The following SLC35A3 variants were observed in gnomAD, a reference collection of about 807,000 sequenced individuals.
SLC35A3 encodes the protein UDP-N-acetylglucosamine transporter.
SLC35A3 carries 26 observed loss-of-function variants against 39.0 expected under a neutral mutation model. The ratio of observed to expected loss-of-function variants is 0.67; its 90% CI spans 0.49 to 0.92. The LOEUF (loss-of-function observed/expected upper bound fraction) is 0.92. SLC35A3 is among the 40% of genes least tolerant of loss of function. The probability of loss-of-function intolerance (pLI) is 0.00; values close to 1 mark genes in which losing one functional copy is unlikely to be tolerated. For synonymous variants in SLC35A3, 135 were observed against 133.1 expected, an observed-to-expected ratio of 1.01 and a Z score of -0.10; for missense variants, 299 against 371.6, an observed-to-expected ratio of 0.80 and a Z score of 1.61.
chr1:99,977,499 G>A (rs1346348351), intron 1 of SLC35A3, among the ~76,000 whole-genome samples: 1 of 147,264 alleles, frequency 6.8e-6, no homozygotes, highest in African/African-American at 2.5e-5. Context: ...CCAAGATCAC[G>A]CCATTGCACT....
At chr1:100,002,441 G>T (rs115535767) in intron 3 of SLC35A3, among the ~76,000 whole-genome samples, 53 of 152,164 alleles carry the variant, frequency 3.5e-4, no homozygotes, top group African/African-American at 1.3e-3. Context: ...GGTGTCATCT[G>T]TACTGTCTCC....
rs1307036965 is a variant in SLC35A3 at position 100,033,396 on chromosome 1, ATAAG to A, written c.*10924_*10927del. ...ATCCCTCCATTCCTAACCATCTCTT[ATAAG>A]TAATTATTATCCATCTCTTATAAGT... On this transcript the variant is annotated 3_prime_UTR_variant, in exon 8 of 8. Coordinates refer to ENST00000533028, the MANE Select transcript of SLC35A3 (RefSeq NM_012243.3). The A allele has an allele frequency of 6.8e-6, 1 of 148,052 alleles. No homozygotes were observed. The highest frequency in any genetic ancestry group is 2.5e-5 in the African/African-American group (1 of 40,380). The allele number at this position is 148,052 out of a possible 1,614,324, so 9.2% of individuals were successfully genotyped here. A position where few individuals can be genotyped will look rare whatever the true frequency, so the allele number is the denominator to read the frequency against.
rs12737703 is a variant in SLC35A3 at position 99,991,476 on chromosome 1, T to C, written c.-18-2061T>C. ...TTGATTACTGTAGTTTTATAGTAAG[T>C]CTGGAAGTTTGGTAGCTTAAGCCTT... On this transcript the variant is annotated intron_variant, in intron 1 of 7. Transcript: ENST00000533028. 1.4e-3 allele frequency among the ~76,000 whole-genome samples: 217 copies of C among 152,300 alleles called. 1 individual carries two copies. The highest frequency in any genetic ancestry group is 2.1e-3 in the Non-Finnish European group (144 of 68,016).
In SLC35A3 at chr1:99,997,410, TTATA is replaced by T. The variant is rs71970416; in HGVS notation, c.188-1807_188-1804del. 9.3e-3 allele frequency among the ~76,000 whole-genome samples: 848 copies of T among 91,598 alleles called. 2 individuals carry two copies. Among genetic ancestry groups the T allele is most frequent in the Middle Eastern group, 0.013 (2 of 158 alleles). 60.1% of individuals were successfully genotyped at this position (91,598 alleles called of 152,430 possible). On this transcript the variant is annotated intron_variant, in intron 2 of 7. Coordinates refer to ENST00000533028, the MANE Select transcript of SLC35A3 (RefSeq NM_012243.3). The stretch of plus-strand genomic sequence containing the variant: ...ACAGTTATATGTTTTATATATAGTT[TTATA>T]TATATATATATATATATATATATAT...
chr1:99,980,950 C>T (rs1438350450), intron 1 of SLC35A3, among the ~76,000 whole-genome samples: 3 of 152,150 alleles, frequency 2.0e-5, no homozygotes, highest in East Asian at 3.8e-4. Flanking sequence ...TATTGTTGCT[C>T]TTCTTCTTGA....
chr1:99,982,954 G>A (rs930062718), intron 1 of SLC35A3, among the ~76,000 whole-genome samples: 2 of 152,140 alleles, frequency 1.3e-5, no homozygotes, highest in African/African-American at 4.8e-5. Context: ...GCACAGGACT[G>A]TAAAGGATTT....
rs1448674696 is a variant in SLC35A3 at position 100,029,513 on chromosome 1, C to T, written c.*7037C>T. The T allele has an allele frequency of 6.7e-6, 1 of 150,138 alleles. No individual in the cohort carries two copies. Among genetic ancestry groups the T allele is most frequent in the East Asian group, 2.0e-4 (1 of 5,128 alleles). 9.3% of individuals were successfully genotyped at this position (150,138 alleles called of 1,614,324 possible). A position where few individuals can be genotyped will look rare whatever the true frequency, so the allele number is the denominator to read the frequency against. On this transcript the variant is annotated 3_prime_UTR_variant, in exon 8 of 8. Transcript: ENST00000533028. ...CGGCACGATCTCTGCTCACTGCAAC[C>T]TCCGCCTCCTGGGTTTGAGCAATTC... is the stretch of plus-strand genomic sequence containing the variant.
rs186853116 is a variant in SLC35A3 at position 100,024,885 on chromosome 1, C to A, written c.*2409C>A. ...TGGATTTTATTAAACAGAATTGGCTCAAAAATACTATGTTACAGACTGTTG... is the reference window on the plus strand; with the variant it reads ...TGGATTTTATTAAACAGAATTGGCTAAAAAATACTATGTTACAGACTGTTG... On this transcript the variant is annotated 3_prime_UTR_variant, in exon 8 of 8. Transcript: ENST00000533028. The A allele has an allele frequency of 2.2e-5, 8 of 369,590 alleles. No individual in the cohort carries two copies. Among genetic ancestry groups the A allele is most frequent in the African/African-American group, 1.5e-4 (7 of 47,834 alleles). The allele number at this position is 369,590 out of a possible 1,614,324, so 22.9% of individuals were successfully genotyped here. A position where few individuals can be genotyped will look rare whatever the true frequency, so the allele number is the denominator to read the frequency against.
intron 2 of SLC35A3, among the ~76,000 whole-genome samples, chr1:99,998,986 T>C (rs1188324856): frequency 6.6e-6 from 1 of 152,172 alleles, no homozygotes; most frequent in Non-Finnish European, 1.5e-5. Flanking sequence ...CTGTCATAAA[T>C]ATGTGTTTGT....
Position 99,975,935 on chromosome 1 carries a change from T to C in SLC35A3, c.-19+5773T>C, listed in dbSNP as rs138762792. ...ATTATCTGGTTGTGGTAGCATGCGG[T>C]TGTAGGTCCAGCTACTTGGGAGGCT... On this transcript the variant is annotated intron_variant, in intron 1 of 7. Coordinates refer to ENST00000533028, the MANE Select transcript of SLC35A3 (RefSeq NM_012243.3). 7.1e-4 allele frequency among the ~76,000 whole-genome samples: 108 copies of C among 152,152 alleles called. 1 individual carries two copies. Among genetic ancestry groups the C allele is most frequent in the African/African-American group, 2.5e-3 (105 of 41,536 alleles).
At chr1:100,019,366 A>G (rs1299213434) in intron 7 of SLC35A3, among the ~76,000 whole-genome samples, 2 of 151,634 alleles carry the variant, frequency 1.3e-5, no homozygotes, top group Non-Finnish European at 2.9e-5. Flanking sequence ...AGAAAAGACA[A>G]TGATACTGCC....
chr1:100,032,585 AC>A lies in SLC35A3; in HGVS notation c.*10112del, dbSNP rs1661299505. On this transcript the variant is annotated 3_prime_UTR_variant, in exon 8 of 8. Transcript: ENST00000533028. ...TTTTGAGATGGAGTTTCACTCTGTC[AC>A]CCAAGCTGGAGTGCAGTGGCACGAT... 1 of 152,250 alleles carries A rather than the reference AC, an allele frequency of 6.6e-6. No homozygotes were observed. The highest frequency in any genetic ancestry group is 2.4e-5 in the African/African-American group (1 of 41,428). 9.4% of individuals were successfully genotyped at this position (152,250 alleles called of 1,614,324 possible).
At chr1:99,972,288 T>C (rs948195069) in intron 1 of SLC35A3, among the ~76,000 whole-genome samples, 2 of 151,960 alleles carry the variant, frequency 1.3e-5, no homozygotes, top group Non-Finnish European at 2.9e-5. Flanking sequence ...CTATTATCCC[T>C]ACTGTAATGT....
At chr1:99,999,811 CTT>C (rs563097446) in intron 3 of SLC35A3, among the ~76,000 whole-genome samples, 8 of 145,614 alleles carry the variant, frequency 5.5e-5, no homozygotes, top group Non-Finnish European at 4.6e-5. Context: ...CCCCCGCTCC[CTT>C]TTTTTTTTTA....
intron 5 of SLC35A3, among the ~76,000 whole-genome samples, chr1:100,013,528 G>A (rs1415750801): frequency 2.0e-5 from 3 of 151,332 alleles, no homozygotes; most frequent in South Asian, 2.1e-4. Flanking sequence ...TGGGAGGATC[G>A]CTTGAGTCCA....
chr1:100,006,409 A>G (rs1659232632), intron 3 of SLC35A3, among the ~76,000 whole-genome samples: 1 of 152,110 alleles, frequency 6.6e-6, no homozygotes, highest in Non-Finnish European at 1.5e-5. Flanking sequence ...CATTGGCAGT[A>G]GCAGAAGCAG....
chr1:100,012,077 C>G (rs549076325), intron 5 of SLC35A3, among the ~76,000 whole-genome samples: 2 of 151,858 alleles, frequency 1.3e-5, no homozygotes, highest in East Asian at 3.9e-4. Context: ...AGATCTGTGA[C>G]ATAAAGACCA....
At chr1:100,005,894 G>A (rs1659189394) in intron 3 of SLC35A3, among the ~76,000 whole-genome samples, 1 of 152,102 alleles carries the variant, frequency 6.6e-6, no homozygotes, top group South Asian at 2.1e-4. Flanking sequence ...CTTTGGAGGT[G>A]TCATATTTCC....
At chr1:100,020,087 A>G (rs1660432870) in intron 7 of SLC35A3, among the ~76,000 whole-genome samples, 2 of 152,228 alleles carry the variant, frequency 1.3e-5, no homozygotes, top group Non-Finnish European at 2.9e-5. Context: ...ACAGATGTGA[A>G]TAATTATAAC....
Sources: gnomAD v4.1 joint callset for allele counts (sites outside exome capture counted in the v4.1 genomes callset) on GRCh38, gnomAD v4.1.1 for gene constraint, MANE v1.5 for transcripts, NCBI Gene and HGNC (gene_info 2026-07-23, HGNC 2026-07-21) for gene names.